The following PCDHA12 variants were observed in gnomAD, a reference collection of about 807,000 sequenced individuals.
The protein encoded by PCDHA12 is protocadherin alpha 12, also known as protocadherin alpha-12.
PCDHA12 carries 44 observed loss-of-function variants against 60.0 expected under a neutral mutation model. The observed-to-expected ratio is 0.73, with a 90% CI of 0.58 to 0.94. PCDHA12 has a LOEUF of 0.94. PCDHA12 is among the 40% of genes least tolerant of loss of function. The probability of loss-of-function intolerance (pLI) is 0.00; values close to 1 mark genes in which losing one functional copy is unlikely to be tolerated. For missense variants in PCDHA12, 1,276 were observed against 1,239.7 expected (o/e 1.03, Z -0.44); for synonymous variants, 569 against 553.0 (o/e 1.03, Z -0.40).
rs911070094 is a variant in PCDHA12, at chr5:141,009,570, G to A, written c.2516-57G>A. On this transcript the variant is annotated intron_variant, in intron 3 of 3. Coordinates refer to ENST00000398631, the MANE Select transcript of PCDHA12 (RefSeq NM_018903.4). ...AGTACTCCTGTACTCTACCAGCAGT[G>A]TGGCATCAAGAGCATGTGTTGACCC... The A allele has an allele frequency of 1.9e-6, 3 of 1,577,968 alleles. No homozygotes were observed. In the Admixed American group the frequency reaches 5.2e-5, roughly 28 times the overall value.
intron 1 of PCDHA12, among the ~76,000 whole-genome samples, chr5:140,976,481 G>A (rs549195125): frequency 6.6e-6 from 1 of 152,160 alleles, no homozygotes; most frequent in South Asian, 2.1e-4. Flanking sequence ...AATCCGGGAG[G>A]CAGAGGTTGC....
In PCDHA12 at chr5:140,982,553, T is replaced by A. The variant is rs782605920; in HGVS notation, c.2505T>A (p.Ser835Arg). The A allele has an allele frequency of 1.9e-5, 30 of 1,614,054 alleles. No homozygotes were observed. In the South Asian group the frequency reaches 3.2e-4, roughly 17 times the overall value. ...GPDQQWPTVS[S>R]ATPEPEAGEV... ...ATCAGCAGTGGCCAACAGTATCCAG[T>A]GCAACACCAGGTAAAGAGCTGGGGT... The change falls in exon 3 of 4, where the codon AGT (serine) becomes AGA (arginine). Residue 835 changes from serine (S) to arginine (R), a missense_variant. Transcript: ENST00000398631.
At chr5:140,946,871 A>G (rs952595827) in intron 1 of PCDHA12, among the ~76,000 whole-genome samples, 8 of 151,442 alleles carry the variant, frequency 5.3e-5, no homozygotes, top group Non-Finnish European at 8.9e-5. Flanking sequence ...AGGTTGGTCA[A>G]TGGGTACGAA....
chr5:140,941,169 C>T (rs1283079666), intron 1 of PCDHA12, among the ~76,000 whole-genome samples: 1 of 145,950 alleles, frequency 6.9e-6, no homozygotes, highest in Admixed American at 6.9e-5. Flanking sequence ...GACTCCCCAT[C>T]TTGAACATCC....
chr5:140,989,403 G>A (rs1327699534), intron 3 of PCDHA12, among the ~76,000 whole-genome samples: 4 of 152,182 alleles, frequency 2.6e-5, no homozygotes, highest in African/African-American at 9.7e-5. Context: ...GGAGGGTGGA[G>A]AGTCTGCACT....
rs149739125 is a variant in PCDHA12, at chr5:140,954,248, C to T, written c.2368-24701C>T. 1.2e-3 allele frequency among the ~76,000 whole-genome samples: 179 copies of T among 152,316 alleles called. 1 individual carries two copies. The highest frequency in any genetic ancestry group is 4.0e-3 in the African/African-American group (166 of 41,572). ...TGAATAGTGCTGCAATGAACATACACATGCAGGTATCTTTATAATAGGATG... is the reference window on the plus strand; with the variant it reads ...TGAATAGTGCTGCAATGAACATACATATGCAGGTATCTTTATAATAGGATG... On this transcript the variant is annotated intron_variant, in intron 1 of 3. Coordinates refer to ENST00000398631, the MANE Select transcript of PCDHA12 (RefSeq NM_018903.4).
At position 140,945,942 on chromosome 5, in the gene PCDHA12, A is replaced by G. The variant is rs534164272; in HGVS notation, c.2368-33007A>G. 2.0e-5 allele frequency among the ~76,000 whole-genome samples: 3 copies of G among 152,196 alleles called. No individual in the cohort carries two copies. In the South Asian group the frequency reaches 6.2e-4, roughly 32 times the overall value. ...ACTGATCTGAGCAATGATGTTTTTT[A>G]TATGACCCTGAAAGCACAGGCAATA... On this transcript the variant is annotated intron_variant, in intron 1 of 3. Coordinates refer to ENST00000398631, the MANE Select transcript of PCDHA12 (RefSeq NM_018903.4).
chr5:140,960,519 G>C (rs188949970), intron 1 of PCDHA12, among the ~76,000 whole-genome samples: 19 of 152,198 alleles, frequency 1.2e-4, no homozygotes, highest in Admixed American at 1.2e-3. Context: ...AACATAATGG[G>C]TATAGGAAAG....
chr5:140,968,476 G>A (rs1295691287), intron 1 of PCDHA12: 1 of 1,613,974 alleles, frequency 6.2e-7, no homozygotes, highest in East Asian at 2.2e-5. Flanking sequence ...TATATGTGGT[G>A]GACATGAATG....
intron 1 of PCDHA12, among the ~76,000 whole-genome samples, chr5:140,913,844 A>G (rs1554196074): frequency 1.3e-5 from 2 of 152,194 alleles, no homozygotes; most frequent in African/African-American, 2.4e-5. Flanking sequence ...CCCACTGGTC[A>G]TTCAGGAGCA....
At position 140,876,250 on chromosome 5, in the gene PCDHA12, A is replaced by T; in HGVS notation, c.778A>T (p.Arg260Ter). Reference protein sequence around the residue: ...VLSENVQNDTRVIQLNASDPD... With the variant: ...VLSENVQNDT The stretch of plus-strand genomic sequence containing the variant: ...GTCTGAAAATGTCCAAAACGACACA[A>T]GAGTGATCCAACTAAATGCTTCCGA... The change falls in exon 1 of 4, where the codon AGA (arginine) becomes TGA (stop). Residue 260 changes from arginine (R) to a stop codon, truncating the protein, a stop_gained. Coordinates refer to ENST00000398631, the MANE Select transcript of PCDHA12 (RefSeq NM_018903.4). LOFTEE classifies it high-confidence loss of function. The T allele has an allele frequency of 6.2e-7, 1 of 1,614,046 alleles. No individual in the cohort carries two copies. Among genetic ancestry groups the T allele is most frequent in the South Asian group, 1.1e-5 (1 of 91,092 alleles).
rs144072974 is a variant in PCDHA12 at position 140,938,897 on chromosome 5, G to GCA, written c.2368-40040_2368-40039dup. 1.4e-3 allele frequency among the ~76,000 whole-genome samples: 215 copies of GCA among 151,312 alleles called. 3 individuals carry two copies. The East Asian group carries it at 0.032, about 22-fold the overall frequency. Reference sequence around the variant, plus strand: ...AAGCAACACACACACACACAGATGCGCACACACACACACGCACAAGAAATT... The same window carrying GCA: ...AAGCAACACACACACACACAGATGCGCACACACACACACACGCACAAGAAATT... On this transcript the variant is annotated intron_variant, in intron 1 of 3. Coordinates refer to ENST00000398631, the MANE Select transcript of PCDHA12 (RefSeq NM_018903.4).
At chr5:140,968,609 G>C (rs1554230915) in intron 1 of PCDHA12, 1 of 1,614,194 alleles carries the variant, frequency 6.2e-7, no homozygotes, top group Admixed American at 1.7e-5. Context: ...CTCAGACTCT[G>C]GGCAAAATGC....
At chr5:140,891,502 T>C (rs11748559) in intron 1 of PCDHA12, among the ~76,000 whole-genome samples, 18,999 of 152,020 alleles carry the variant, frequency 0.12, 1,247 homozygotes, top group Middle Eastern at 0.19. Context: ...TCCTCAGCTA[T>C]AATGTTCTCC....
At chr5:140,898,751 A>G (rs2066956971) in intron 1 of PCDHA12, among the ~76,000 whole-genome samples, 1 of 152,050 alleles carries the variant, frequency 6.6e-6, no homozygotes, top group Admixed American at 6.6e-5. Context: ...CTTGATGGGG[A>G]TGGCATTGAA....
intron 1 of PCDHA12, among the ~76,000 whole-genome samples, chr5:140,961,237 G>A (rs1170465013): frequency 1.3e-5 from 2 of 152,136 alleles, no homozygotes; most frequent in African/African-American, 4.8e-5. Context: ...AAAAGGTGAT[G>A]GAATTTATCC....
intron 1 of PCDHA12, among the ~76,000 whole-genome samples, chr5:140,963,667 T>A (rs1206076549): frequency 6.6e-6 from 1 of 152,238 alleles, no homozygotes; most frequent in Non-Finnish European, 1.5e-5. Flanking sequence ...CTATATGGCA[T>A]AGTTAAATGT....
At chr5:141,005,470 G>A (rs1563690887) in intron 3 of PCDHA12, among the ~76,000 whole-genome samples, 1 of 151,836 alleles carries the variant, frequency 6.6e-6, no homozygotes, top group South Asian at 2.1e-4. Context: ...TTGGGAGGCC[G>A]AGACGGGCGG....
intron 1 of PCDHA12, among the ~76,000 whole-genome samples, chr5:140,898,580 T>G (rs541428438): frequency 2.9e-4 from 44 of 152,370 alleles, no homozygotes; most frequent in African/African-American, 1.0e-3. Flanking sequence ...CCATGCTGTT[T>G]TGGTTACTGT....
Sources: gnomAD v4.1 joint callset for allele counts (sites outside exome capture counted in the v4.1 genomes callset) on GRCh38, gnomAD v4.1.1 for gene constraint, MANE v1.5 for transcripts, NCBI Gene and HGNC (gene_info 2026-07-23, HGNC 2026-07-21) for gene names.